Variants in NOL4L observed in about 807,000 individuals in gnomAD.
The protein encoded by NOL4L is nucleolar protein 4-like.
Under a neutral mutation model 64.5 loss-of-function variants are expected in NOL4L, and 7 were observed. That is an observed-to-expected ratio of 0.11 (90% CI 0.06 to 0.20). The LOEUF is 0.20. Ranked by LOEUF, NOL4L falls within the 10% of genes least tolerant of loss-of-function variation. NOL4L has a pLI of 1.00. For synonymous variants in NOL4L, 413 were observed against 401.0 expected (o/e 1.03, Z -0.36); for missense variants, 680 against 967.1 (o/e 0.70, Z 3.94).
chr20:32,454,352 C>T (rs1221070063), intron 6 of NOL4L, among the ~76,000 whole-genome samples: 1 of 152,218 alleles, frequency 6.6e-6, no homozygotes, highest in East Asian at 1.9e-4. Context: ...TGGACTTCTC[C>T]TGTCTGCCCC....
chr20:32,479,622 C>T (rs1408988726), intron 4 of NOL4L, among the ~76,000 whole-genome samples: 1 of 152,192 alleles, frequency 6.6e-6, no homozygotes, highest in Non-Finnish European at 1.5e-5. Context: ...TCTCCCCAGT[C>T]CCCATGTGAC....
intron 4 of NOL4L, among the ~76,000 whole-genome samples, chr20:32,488,749 T>C (rs555766438): frequency 7.0e-5 from 3 of 42,936 alleles, no homozygotes; most frequent in African/African-American, 4.8e-4. Context: ...TTCTTTCTTT[T>C]CCTTCCTTCC....
At position 32,457,240 on chromosome 20, in the gene NOL4L, G is replaced by A. The variant is rs147172138; in HGVS notation, c.842-845C>T. On this transcript the variant is annotated intron_variant, in intron 5 of 10. Coordinates refer to ENST00000621426, the MANE Select transcript of NOL4L (RefSeq NM_001256798.2). ...CATTCCAGGCCTCTCTGCCCACCCA[G>A]CCCCAGCCCCAGCCCCGGCCTCCTG... Among the ~76,000 whole-genome samples the A allele has an allele frequency of 1.4e-4, 22 of 152,250 alleles. No homozygotes were observed. The East Asian group carries it at 4.1e-3, about 28-fold the overall frequency.
chr20:32,492,429 G>A (rs1443741686), intron 4 of NOL4L, among the ~76,000 whole-genome samples: 1 of 152,244 alleles, frequency 6.6e-6, no homozygotes, highest in Non-Finnish European at 1.5e-5. Context: ...GCAGTGACTA[G>A]AGGGAGCACA....
chr20:32,556,053 A>T (rs1978627487), intron 1 of NOL4L, among the ~76,000 whole-genome samples: 1 of 152,210 alleles, frequency 6.6e-6, no homozygotes, highest in South Asian at 2.1e-4. Context: ...TCACAAGGGC[A>T]CAGACGGGGT....
intron 4 of NOL4L, among the ~76,000 whole-genome samples, chr20:32,488,880 T>TTTCTTTCTTTCTTTCTTTC (rs1568649590): frequency 1.0e-5 from 1 of 99,938 alleles, no homozygotes; most frequent in African/African-American, 6.0e-5. Flanking sequence ...TCTTTCTTTC[T>TTTCTTTCTTTCTTTCTTTC]TTCTTTCTTT....
chr20:32,527,433 A>T (rs1005090573), intron 2 of NOL4L, among the ~76,000 whole-genome samples: 2 of 152,110 alleles, frequency 1.3e-5, no homozygotes, highest in Non-Finnish European at 2.9e-5. Context: ...ACAGGCTGCA[A>T]GGGGCTGGGG....
At position 32,445,963 on chromosome 20, in the gene NOL4L, G is replaced by A. The variant is rs41289860; in HGVS notation, c.*1633C>T. The A allele has an allele frequency of 0.031, 4,655 of 152,404 alleles. 96 individuals carry two copies. Among genetic ancestry groups the A allele is most frequent in the Admixed American group, 0.045 (689 of 15,308 alleles). 9.4% of individuals were successfully genotyped at this position (152,404 alleles called of 1,614,324 possible). On this transcript the variant is annotated 3_prime_UTR_variant, in exon 11 of 11. Coordinates refer to ENST00000621426, the MANE Select transcript of NOL4L (RefSeq NM_001256798.2). ...CAATTGGCTGCAGAAAAGCTGGTTTGGGAAGGGGTGCCTGTTCTGGGAGCG... is the reference window on the plus strand; with the variant it reads ...CAATTGGCTGCAGAAAAGCTGGTTTAGGAAGGGGTGCCTGTTCTGGGAGCG...
intron 3 of NOL4L, among the ~76,000 whole-genome samples, chr20:32,520,502 G>C (rs2017888693): frequency 6.6e-6 from 1 of 152,200 alleles, no homozygotes; most frequent in Non-Finnish European, 1.5e-5. Context: ...GAACGGGGCA[G>C]GCTGGCCATT....
chr20:32,486,783 C>T (rs755740235), intron 4 of NOL4L: 4 of 471,092 alleles, frequency 8.5e-6, no homozygotes, highest in South Asian at 3.1e-5. Flanking sequence ...ATGATGTCCT[C>T]GGCTCCTGAA....
At chr20:32,483,584 C>T in intron 4 of NOL4L, 2 of 857,358 alleles carry the variant, frequency 2.3e-6, no homozygotes, top group Non-Finnish European at 1.4e-6. Context: ...GGCGGCGCCG[C>T]GGCCCGGAGG....
At chr20:32,544,709 G>C (rs1020799166) in intron 1 of NOL4L, among the ~76,000 whole-genome samples, 4 of 152,118 alleles carry the variant, frequency 2.6e-5, no homozygotes, top group African/African-American at 9.7e-5. Flanking sequence ...CTTTCTCAGA[G>C]GTCTAAAACC....
intron 4 of NOL4L, chr20:32,509,902 A>G (rs761724853): frequency 1.5e-6 from 2 of 1,304,174 alleles, no homozygotes; most frequent in African/African-American, 3.0e-5. Context: ...CGGTGATAAC[A>G]GTGTTTACGA....
Position 32,464,179 on chromosome 20 carries a change from C to T in NOL4L, c.842-7784G>A, listed in dbSNP as rs1600672197. 6.6e-6 allele frequency among the ~76,000 whole-genome samples: 1 copy of T among 152,168 alleles called. No individual in the cohort carries two copies. The highest frequency in any genetic ancestry group is 2.4e-5 in the African/African-American group (1 of 41,446). On this transcript the variant is annotated intron_variant, in intron 5 of 10. Transcript: ENST00000621426. This position sits in a 1 kb window ranked among gnomAD's most constrained non-coding sequence, Gnocchi z 5.6. Reference sequence around the variant, plus strand: ...TGCTGACCCTGCTCTGAATTTGAGGCGTGCACCTCCCCAGGACTGGCCCCC... The same window carrying T: ...TGCTGACCCTGCTCTGAATTTGAGGTGTGCACCTCCCCAGGACTGGCCCCC...
intron 5 of NOL4L, among the ~76,000 whole-genome samples, chr20:32,471,435 C>T (rs1362621443): frequency 3.9e-5 from 6 of 152,298 alleles, no homozygotes; most frequent in East Asian, 3.9e-4. Flanking sequence ...AGCTGGCACC[C>T]GCACAACTCA....
At chr20:32,527,957 CG>C in intron 1 of NOL4L, 44 bp from the exon 2 acceptor site, 1 of 1,306,716 alleles carries the variant, frequency 7.7e-7, no homozygotes, top group Non-Finnish European at 1.0e-6. Flanking sequence ...GGAATGATGG[CG>C]GGGTGAGAAC....
chr20:32,496,821 G>A (rs1200888608), intron 4 of NOL4L, among the ~76,000 whole-genome samples: 1 of 152,106 alleles, frequency 6.6e-6, no homozygotes, highest in Non-Finnish European at 1.5e-5. Flanking sequence ...AAAGTGCTGG[G>A]ATTACAGGCA....
intron 1 of NOL4L, among the ~76,000 whole-genome samples, chr20:32,552,461 C>T (rs1024170047): frequency 6.6e-6 from 1 of 152,028 alleles, no homozygotes; most frequent in African/African-American, 2.4e-5. Context: ...CCAAGGCGGG[C>T]GGATGACCTG....
chr20:32,566,999 C>T (rs1366382033), intron 1 of NOL4L, among the ~76,000 whole-genome samples: 2 of 152,178 alleles, frequency 1.3e-5, no homozygotes, highest in African/African-American at 2.4e-5. Flanking sequence ...GCTGGTGGGC[C>T]CCAGGCTGCA....
Sources: gnomAD v4.1 joint callset for allele counts (sites outside exome capture counted in the v4.1 genomes callset) on GRCh38, gnomAD v4.1.1 for gene constraint, Gnocchi (gnomAD v3.1) non-coding constraint, MANE v1.5 for transcripts, NCBI Gene and HGNC (gene_info 2026-07-23, HGNC 2026-07-21) for gene names.